MAF: variants seen among roughly 807,000 people sequenced by gnomAD.
The protein encoded by MAF is transcription factor Maf.
Under a neutral mutation model 22.0 loss-of-function variants are expected in MAF, and 10 were observed. That is an observed-to-expected ratio of 0.45 (90% CI 0.28 to 0.77). The LOEUF (loss-of-function observed/expected upper bound fraction) is 0.77, where lower values mean the gene tolerates loss of function less well. MAF is among the 30% of genes least tolerant of loss of function. The pLI is 0.12. For missense variants in MAF, 544 were observed against 548.4 expected (o/e 0.99, Z 0.08); for synonymous variants, 337 against 255.8 (o/e 1.32, Z -3.03).
At chr16:79,581,809 T>G (rs1912537556), downstream of MAF, among the ~76,000 whole-genome samples, 1 of 152,204 alleles carries the variant, frequency 6.6e-6, no homozygotes, top group Non-Finnish European at 1.5e-5. Context: ...CCTGGATTGT[T>G]AATTACGTGT....
the MAF span, among the ~76,000 whole-genome samples, chr16:79,477,570 G>A: frequency 0.38 from 58,036 of 152,042 alleles, 11,999 homozygotes; most frequent in Middle Eastern, 0.47. Context: ...GTTGCCTTAT[G>A]AACACTTAGA....
the MAF span, among the ~76,000 whole-genome samples, chr16:79,386,816 C>G: frequency 2.0e-5 from 3 of 152,142 alleles, no homozygotes; most frequent in South Asian, 6.2e-4. Context: ...CAAAAGAAGA[C>G]AGGGTTCCAG....
At chr16:79,258,770 C>T in the MAF span, among the ~76,000 whole-genome samples, 1 of 152,208 alleles carries the variant, frequency 6.6e-6, no homozygotes, top group East Asian at 1.9e-4. Context: ...CAAGAGCCTG[C>T]TCCAACCCTG....
chr16:79,594,540 G>A lies in MAF; in HGVS notation c.1132C>T (p.Arg378Cys), dbSNP rs752338390. The change falls in exon 2 of 2, where the codon CGC (arginine) becomes TGC (cysteine). Residue 378 changes from arginine (R) to cysteine (C), a missense_variant. By Grantham distance (180) the Arg-to-Cys change is radical. Around this residue, in one of 5 missense-constraint regions of MAF, gnomAD observed 129 missense variants for 113.6 expected, o/e 1.14. Transcript: ENST00000326043. ...SPEFFITEPT[R>C]KLEPSVGYAT... ...TATCCCACTGATGGCTCCAACTTGCGAGTGGGCTCAGTTCTGTAATTGGAA... is the reference window on the plus strand; with the variant it reads ...TATCCCACTGATGGCTCCAACTTGCAAGTGGGCTCAGTTCTGTAATTGGAA... The A allele has an allele frequency of 6.4e-6, 10 of 1,562,532 alleles. No individual in the cohort carries two copies. Among genetic ancestry groups the A allele is most frequent in the African/African-American group, 5.4e-5 (4 of 73,680 alleles).
chr16:79,383,905 C>T, the MAF span, among the ~76,000 whole-genome samples: 2 of 152,156 alleles, frequency 1.3e-5, no homozygotes, highest in Non-Finnish European at 2.9e-5. Context: ...TTTTAGATTG[C>T]AAACTTTTCC....
At chr16:79,597,967 C>A in intron 1 of MAF, 1 of 1,043,870 alleles carries the variant, frequency 9.6e-7, no homozygotes, top group Non-Finnish European at 1.2e-6. Flanking sequence ...CCAAAACTCA[C>A]AAGTCACACC....
the MAF span, among the ~76,000 whole-genome samples, chr16:79,544,056 C>T: frequency 7.9e-5 from 12 of 152,168 alleles, no homozygotes; most frequent in South Asian, 1.7e-3. Context: ...GAATGCTAGA[C>T]TAAAAACGGG....
the MAF span, among the ~76,000 whole-genome samples, chr16:79,339,865 C>A: frequency 3.9e-5 from 6 of 152,226 alleles, no homozygotes; most frequent in South Asian, 2.1e-4. Flanking sequence ...AAAGCCAACA[C>A]TGGATTTCTT....
chr16:79,301,908 AC>A, the MAF span, among the ~76,000 whole-genome samples: 7 of 152,222 alleles, frequency 4.6e-5, no homozygotes, highest in African/African-American at 1.4e-4. Flanking sequence ...AAGTTAGGTT[AC>A]TTTCACAAGG....
At chr16:79,512,470 C>CTCTTGAGGCGGAAACACAGG in the MAF span, among the ~76,000 whole-genome samples, 3 of 152,200 alleles carry the variant, frequency 2.0e-5, no homozygotes, top group African/African-American at 7.2e-5. Context: ...ATGTGATCAG[C>CTCTTGAGGCGGAAACACAGG]TTGGGTTTCA....
At chr16:79,228,251 C>T in the MAF span, among the ~76,000 whole-genome samples, 2 of 152,016 alleles carry the variant, frequency 1.3e-5, no homozygotes, top group South Asian at 2.1e-4. Context: ...TGTGTAACAA[C>T]TATTTGAAGG....
At chr16:79,488,427 G>C in the MAF span, among the ~76,000 whole-genome samples, 7 of 151,588 alleles carry the variant, frequency 4.6e-5, no homozygotes, top group African/African-American at 9.8e-5. Flanking sequence ...TAGTACACTG[G>C]TGACCTTGGG....
chr16:79,203,232 G>C, the MAF span: 1 of 152,148 alleles, frequency 6.6e-6, no homozygotes, highest in Non-Finnish European at 1.5e-5. Flanking sequence ...TAATATAAAT[G>C]AGACACTCTC....
At chr16:79,548,393 C>T in the MAF span, among the ~76,000 whole-genome samples, 1 of 152,024 alleles carries the variant, frequency 6.6e-6, no homozygotes, top group South Asian at 2.1e-4. Context: ...TAATGAATTA[C>T]TCATACCTCA....
chr16:79,275,718 C>T, the MAF span, among the ~76,000 whole-genome samples: 1 of 152,186 alleles, frequency 6.6e-6, no homozygotes, highest in South Asian at 2.1e-4. Context: ...ACAAAACTTA[C>T]AGCCTCATGA....
the MAF span, among the ~76,000 whole-genome samples, chr16:79,385,639 G>A: frequency 7.9e-5 from 12 of 152,210 alleles, no homozygotes; most frequent in Non-Finnish European, 1.2e-4. Flanking sequence ...GGTAGCTCAT[G>A]CCTATAATCC....
chr16:79,431,073 A>G, the MAF span, among the ~76,000 whole-genome samples: 1 of 152,036 alleles, frequency 6.6e-6, no homozygotes, highest in African/African-American at 2.4e-5. Flanking sequence ...TTTTCTTTGA[A>G]TCAGAACAGG....
the MAF span, among the ~76,000 whole-genome samples, chr16:79,292,372 G>A: frequency 6.6e-6 from 1 of 152,224 alleles, no homozygotes; most frequent in East Asian, 1.9e-4. Flanking sequence ...ACCACCAGAA[G>A]CTAGTTAGAG....
the MAF span, chr16:79,203,533 T>C: frequency 1.3e-5 from 2 of 150,130 alleles, no homozygotes; most frequent in Non-Finnish European, 3.0e-5. Flanking sequence ...TTTTCAGGAC[T>C]ATGTTATAGA....
Sources: gnomAD v4.1 joint callset for allele counts (sites outside exome capture counted in the v4.1 genomes callset) on GRCh38, gnomAD v4.1.1 for gene constraint, gnomAD v4.1.1 regional missense constraint, MANE v1.5 for transcripts, NCBI Gene and HGNC (gene_info 2026-07-23, HGNC 2026-07-21) for gene names.